The following COL11A2 variants were observed in gnomAD, a reference collection of about 807,000 sequenced individuals.
COL11A2 encodes collagen type XI alpha 2 chain.
COL11A2 carries 116 observed loss-of-function variants against 273.4 expected under a neutral mutation model. The observed-to-expected ratio is 0.42, with a 90% confidence interval of 0.36 to 0.49. The LOEUF (loss-of-function observed/expected upper bound fraction) is 0.49. Among genes scored for constraint, COL11A2 ranks in the 20% least tolerant of loss-of-function variants. COL11A2 has a pLI of 0.00. For missense variants in COL11A2, 1,866 were observed against 2,309.0 expected (o/e 0.81, Z 3.93); for synonymous variants, 782 against 864.2 (o/e 0.90, Z 1.67).
At position 33,167,771 on chromosome 6, in the gene COL11A2, T is replaced by C. The variant is rs1192099683; in HGVS notation, c.4014+28A>G. On this transcript the variant is annotated intron_variant, in intron 55 of 65. Transcript: ENST00000341947. This position sits in a 1 kb window ranked among gnomAD's most constrained non-coding sequence, Gnocchi z 6.1. ...GAGGGGTGGGAGGCGGAGGGGATGCTCCAGCACTAGGGCAGCCTGTCCCTC... is the reference window on the plus strand; with the variant it reads ...GAGGGGTGGGAGGCGGAGGGGATGCCCCAGCACTAGGGCAGCCTGTCCCTC... 3.1e-6 allele frequency: 5 copies of C among 1,612,358 alleles called. No individual in the cohort carries two copies. Among genetic ancestry groups the C allele is most frequent in the Admixed American group, 3.3e-5 (2 of 59,954 alleles).
Position 33,170,564 on chromosome 6 carries a change from C to A in COL11A2, c.3521G>T (p.Gly1174Val). 6.2e-7 allele frequency: 1 copy of A among 1,612,326 alleles called. No homozygotes were observed. Among genetic ancestry groups the A allele is most frequent in the Non-Finnish European group, 8.5e-7 (1 of 1,179,820 alleles). The change falls in exon 47 of 66, where the codon GGT becomes GTT. Residue 1174 changes from glycine (G) to valine (V), a missense_variant. Transcript: ENST00000341947. This position sits in a 1 kb window ranked among gnomAD's most constrained non-coding sequence, Gnocchi z 4.3. ...SGEKGETGDV[G>V]PMGPPGPPGP... is the part of the protein sequence containing the mutation. ...AGTAGGGGTCACACTCACCATAGGA[C>A]CCACATCTCCTGTTTCTCCCTTCTC... is the stretch of plus-strand genomic sequence containing the variant.
Position 33,170,059 on chromosome 6 carries a change from G to A in COL11A2, c.3624C>T (p.Pro1208=), listed in dbSNP as rs770552386. The A allele has an allele frequency of 2.5e-6, 4 of 1,613,032 alleles. No homozygotes were observed. Among genetic ancestry groups the A allele is most frequent in the Non-Finnish European group, 3.4e-6 (4 of 1,180,028 alleles). ...CCTTCCCAGTTACCTTCTCTCCAGG[G>A]GGACCCAGGTTCCCAACACCTCCTG... ...GPPGGVGNLG[P]PGEKGEPGES... Residue 1208 remains proline (P), a synonymous_variant, in exon 49 of 66, where the codon CCC becomes CCT. Transcript: ENST00000341947. This position sits in a 1 kb window ranked among gnomAD's most constrained non-coding sequence, Gnocchi z 4.3.
rs370117705 is a variant in COL11A2, at chr6:33,177,405, C to T, written c.1971+7G>A. On this transcript the variant is annotated splice_region_variant and intron_variant, in intron 23 of 65. Coordinates refer to ENST00000341947, the MANE Select transcript of COL11A2 (RefSeq NM_080680.3). The surrounding 1 kb of genome is among the most constrained non-coding windows in gnomAD (Gnocchi z 5.9). ...AAATTGGGGAACGGAGTAGGGGCAC[C>T]GCTCACCTGGGTCCCAGGGGTGCCC... The T allele has an allele frequency of 2.5e-5, 40 of 1,612,700 alleles. No homozygotes were observed. The highest frequency in any genetic ancestry group is 3.3e-5 in the Admixed American group (2 of 60,004).
At chr6:33,174,260 AGGTAGG>A (rs767983652) in intron 31 of COL11A2, 42 bp from the exon 32 acceptor site, 1 of 1,551,906 alleles carries the variant, frequency 6.4e-7, no homozygotes, top group South Asian at 1.2e-5. Context: ...AAGTTATGAA[AGGTAGG>A]GTTCAGGAAG....
intron 30 of COL11A2, 136 bp downstream of exon 30, chr6:33,175,438 T>C: frequency 1.3e-6 from 1 of 755,392 alleles, no homozygotes; most frequent in South Asian, 1.4e-5. Flanking sequence ...AGATGCCATT[T>C]ACACAGACAG....
Position 33,167,013 on chromosome 6 carries a change from T to A in COL11A2, c.4230+57A>T. 1 of 1,609,284 alleles carries A rather than the reference T, an allele frequency of 6.2e-7. No individual in the cohort carries two copies. Among genetic ancestry groups the A allele is most frequent in the Non-Finnish European group, 8.5e-7 (1 of 1,177,662 alleles). ...GCAGTGGGCACTTGGGTCCCACAGG[T>A]TTCAGGGGCGAGGGTGATGGGAGAG... is the stretch of plus-strand genomic sequence containing the variant. On this transcript the variant is annotated intron_variant, in intron 58 of 65. Coordinates refer to ENST00000341947, the MANE Select transcript of COL11A2 (RefSeq NM_080680.3). This position sits in a 1 kb window ranked among gnomAD's most constrained non-coding sequence, Gnocchi z 6.1.
rs1770405592 is a variant in COL11A2, at chr6:33,173,365, C to T, written c.2719G>A (p.Gly907Ser). Residue 907 changes from glycine to serine, a missense_variant, in exon 37 of 66, where the codon GGC (glycine) becomes AGC (serine). Coordinates refer to ENST00000341947, the MANE Select transcript of COL11A2 (RefSeq NM_080680.3). The surrounding 1 kb of genome is among the most constrained non-coding windows in gnomAD (Gnocchi z 6.3). ...PGKDGLPGHP[G>S]QRGEVGFQGK... ...TCACTCACCACTTCTCCTCTTTGGC[C>T]TGGGTGTCCCGGCAGCCCATCCTTC... 6.2e-7 allele frequency: 1 copy of T among 1,612,714 alleles called. No individual in the cohort carries two copies.
chr6:33,173,616 G>T lies in COL11A2; in HGVS notation c.2629-61C>A. On this transcript the variant is annotated intron_variant, in intron 35 of 65. Coordinates refer to ENST00000341947, the MANE Select transcript of COL11A2 (RefSeq NM_080680.3). The surrounding 1 kb of genome is among the most constrained non-coding windows in gnomAD (Gnocchi z 6.3). The stretch of plus-strand genomic sequence containing the variant: ...GGCAGGGGCTGAGTGGGGGAACTCA[G>T]CTTCCTTCCTGGGGTGAGGAGGGAG... The T allele has an allele frequency of 7.2e-7, 1 of 1,386,370 alleles. No homozygotes were observed. 85.9% of individuals were successfully genotyped at this position (1,386,370 alleles called of 1,614,324 possible). A position where few individuals can be genotyped will look rare whatever the true frequency, so the allele number is the denominator to read the frequency against.
rs1394594883 is a variant in COL11A2 at position 33,176,995 on chromosome 6, G to A, written c.2067C>T (p.Pro689=). The A allele has an allele frequency of 6.2e-7, 1 of 1,611,244 alleles. No individual in the cohort carries two copies. Among genetic ancestry groups the A allele is most frequent in the Non-Finnish European group, 8.5e-7 (1 of 1,179,192 alleles). Residue 689 remains proline (P), a synonymous_variant, in exon 25 of 66, where the codon CCC becomes CCT. Transcript: ENST00000341947. The surrounding 1 kb of genome is among the most constrained non-coding windows in gnomAD (Gnocchi z 4.9). ...TCGGAAGTGGGGTCCCACTCACCGG[G>A]GGTCCGTCTGAGCCAGGCATGCCGG... ...GLPGMPGSDG[P]PGHPGKEGPP...
Position 33,177,595 on chromosome 6 carries a change from C to T in COL11A2, c.1917+67G>A. The T allele has an allele frequency of 1.9e-6, 3 of 1,602,068 alleles. No homozygotes were observed. The highest frequency in any genetic ancestry group is 2.6e-6 in the Non-Finnish European group (3 of 1,170,744). ...AAGCAGGCAGGGGTCAAAATGGCGGCCAACAGGATGCTGGCAGGGACCTCG... is the reference window on the plus strand; with the variant it reads ...AAGCAGGCAGGGGTCAAAATGGCGGTCAACAGGATGCTGGCAGGGACCTCG... On this transcript the variant is annotated intron_variant, in intron 22 of 65. Transcript: ENST00000341947. The surrounding 1 kb of genome is among the most constrained non-coding windows in gnomAD (Gnocchi z 5.9).
Position 33,179,402 on chromosome 6 carries a change from T to A in COL11A2, c.1503+29A>T, listed in dbSNP as rs768574455. 6.4e-7 allele frequency: 1 copy of A among 1,567,308 alleles called. No homozygotes were observed. The highest frequency in any genetic ancestry group is 2.3e-5 in the East Asian group (1 of 42,722). On this transcript the variant is annotated intron_variant, in intron 14 of 65. Transcript: ENST00000341947. This position sits in a 1 kb window ranked among gnomAD's most constrained non-coding sequence, Gnocchi z 6.4. ...CCACACCCCACACACAATTAAAGCA[T>A]CCTCCACCCGAGCACCCTGCTCACT... is the stretch of plus-strand genomic sequence containing the variant.
Position 33,175,827 on chromosome 6 carries a change from T to C in COL11A2, c.2269-146A>G. The C allele has an allele frequency of 1.9e-6, 2 of 1,066,324 alleles. 1 individual carries two copies. Among genetic ancestry groups the C allele is most frequent in the South Asian group, 2.5e-5 (2 of 79,470 alleles). The allele number at this position is 1,066,324 out of a possible 1,614,324, so 66.1% of individuals were successfully genotyped here. A position where few individuals can be genotyped will look rare whatever the true frequency, so the allele number is the denominator to read the frequency against. On this transcript the variant is annotated intron_variant, in intron 29 of 65. Coordinates refer to ENST00000341947, the MANE Select transcript of COL11A2 (RefSeq NM_080680.3). The stretch of plus-strand genomic sequence containing the variant: ...CAGGAAGCCCACAGGGTAGGGATAG[T>C]GTAGTGATGGGAGGGCAGGCATGAC...
At chr6:33,175,931 C>T in intron 29 of COL11A2, 85 bp downstream of exon 29, 1 of 1,517,434 alleles carries the variant, frequency 6.6e-7, no homozygotes, top group South Asian at 1.1e-5. Context: ...TCTGGAGACT[C>T]AGGAGAATAA....
At position 33,168,699 on chromosome 6, in the gene COL11A2, C is replaced by T. The variant is rs766842201; in HGVS notation, c.3906+7G>A. ...TCAGGGGGGTGGTGGGGTCACCAGG[C>T]ACTCACAGGCTGTCCTGGCTCACCA... On this transcript the variant is annotated splice_region_variant and intron_variant, in intron 53 of 65. Coordinates refer to ENST00000341947, the MANE Select transcript of COL11A2 (RefSeq NM_080680.3). 4.5e-5 allele frequency: 71 copies of T among 1,589,986 alleles called. No individual in the cohort carries two copies. The highest frequency in any genetic ancestry group is 5.9e-5 in the Non-Finnish European group (69 of 1,167,916).
Position 33,168,979 on chromosome 6 carries a change from G to T in COL11A2, c.3828C>A (p.Gly1276=). 1 of 1,609,728 alleles carries T rather than the reference G, an allele frequency of 6.2e-7. No homozygotes were observed. The change falls in exon 52 of 66, where the codon GGC becomes GGA. Residue 1276 remains glycine, a synonymous_variant. Coordinates refer to ENST00000341947, the MANE Select transcript of COL11A2 (RefSeq NM_080680.3). ...CCCGAGGGCCACCTTCTCCAGGGGG[G>T]CCAGGGTCACCAGGAAAACCAACAG... ...PGPVGFPGDP[G]PPGEGGPRGQ...
rs1167552564 is a variant in COL11A2, at chr6:33,188,540, G to T, written c.444-16C>A. On this transcript the variant is annotated splice_polypyrimidine_tract_variant and intron_variant, in intron 3 of 65. Coordinates refer to ENST00000341947, the MANE Select transcript of COL11A2 (RefSeq NM_080680.3). ...ACGGTGCCACCTGGAAATGGTGGAA[G>T]AGGTTCAAGTGAACTCTTGGCTGAC... 1 of 1,612,974 alleles carries T rather than the reference G, an allele frequency of 6.2e-7. No homozygotes were observed. Among genetic ancestry groups the T allele is most frequent in the Admixed American group, 1.7e-5 (1 of 60,026 alleles).
rs754080996 is a variant in COL11A2, at chr6:33,186,637, G to C, written c.788C>G (p.Pro263Arg). 3 of 1,614,136 alleles carry C rather than the reference G, an allele frequency of 1.9e-6. No individual in the cohort carries two copies. The South Asian group carries it at 3.3e-5, about 18-fold the overall frequency. The change falls in exon 5 of 66, where the codon CCC (proline) becomes CGC (arginine). Residue 263 changes from proline to arginine, a missense_variant. Physicochemically the swap from Pro to Arg is moderately radical, Grantham distance 103. Coordinates refer to ENST00000341947, the MANE Select transcript of COL11A2 (RefSeq NM_080680.3). ...TCCCAGCTCCCTCACCTGGCTCTGG[G>C]GTTCCTGATTTTGTGGCCTGTGAAG... ...SRLHRPQNQE[P>R]QSQPTESLYY...
At chr6:33,174,661 T>A in intron 30 of COL11A2, 81 bp from the exon 31 acceptor site, 2 of 1,367,312 alleles carry the variant, frequency 1.5e-6, no homozygotes, top group Non-Finnish European at 2.1e-6. Context: ...CCCTCACATA[T>A]AACAGCCAGC....
rs751846622 is a variant in COL11A2, at chr6:33,178,897, A to G, written c.1665+23T>C. ...GCGTGGGCTGAAGGCTACAGGCTTCAGGGAGGGGCCCAAGCCTGTTACCTT... is the reference window on the plus strand; with the variant it reads ...GCGTGGGCTGAAGGCTACAGGCTTCGGGGAGGGGCCCAAGCCTGTTACCTT... On this transcript the variant is annotated intron_variant, in intron 17 of 65. Coordinates refer to ENST00000341947, the MANE Select transcript of COL11A2 (RefSeq NM_080680.3). The surrounding 1 kb of genome is among the most constrained non-coding windows in gnomAD (Gnocchi z 4.6). 3 of 1,613,578 alleles carry G rather than the reference A, an allele frequency of 1.9e-6. No individual in the cohort carries two copies. The South Asian group carries it at 3.3e-5, about 18-fold the overall frequency.
Sources: allele counts gnomAD v4.1 joint callset, GRCh38; gene constraint gnomAD v4.1.1; non-coding constraint Gnocchi (gnomAD v3.1); transcripts MANE v1.5; gene names NCBI Gene and HGNC (gene_info 2026-07-23, HGNC 2026-07-21).